The following GUCY2D variants were observed in gnomAD, a reference collection of about 807,000 sequenced individuals.
The protein encoded by GUCY2D is retinal guanylyl cyclase 1.
In GUCY2D, 70 loss-of-function variants were observed where a neutral mutation model predicts 101.3. The observed-to-expected ratio is 0.69, with a 90% CI of 0.57 to 0.84. The LOEUF (loss-of-function observed/expected upper bound fraction) is 0.84, where lower values mean the gene tolerates loss of function less well. Ranked by LOEUF, GUCY2D falls within the 40% of genes least tolerant of loss-of-function variation. The pLI, the probability that GUCY2D is intolerant of heterozygous loss-of-function variation, is 0.00. For synonymous variants in GUCY2D, 688 were observed against 670.7 expected, an observed-to-expected ratio of 1.03 and a Z score of -0.40; for missense variants, 1,460 against 1,542.5, an observed-to-expected ratio of 0.95 and a Z score of 0.90.
At position 8,012,552 on chromosome 17, in the gene GUCY2D, C is replaced by T. The variant is rs751340355; in HGVS notation, c.2059C>T (p.His687Tyr). The T allele has an allele frequency of 7.0e-5, 113 of 1,613,828 alleles. No homozygotes were observed. The highest frequency in any genetic ancestry group is 3.5e-4 in the Admixed American group (21 of 59,992). ...RFVLKITDHG[H>Y]GRLLEAQKVL... is the part of the protein sequence containing the mutation. ...CGTACTCAAGATCACTGACCACGGC[C>T]ACGGGAGACTGCTGGAAGCACAGAA... The change falls in exon 10 of 20, where the codon CAC becomes TAC. Residue 687 changes from histidine to tyrosine, a missense_variant. His to Tyr is a moderately conservative substitution (Grantham distance 83, BLOSUM62 2). Around this residue, in one of 3 missense-constraint regions of GUCY2D, gnomAD observed 1,196 missense variants for 1,229.6 expected, o/e 0.97. Coordinates refer to ENST00000254854, the MANE Select transcript of GUCY2D (RefSeq NM_000180.4).
intron 7 of GUCY2D, among the ~76,000 whole-genome samples, chr17:8,008,400 C>T (rs1975786582): frequency 6.6e-6 from 1 of 152,030 alleles, no homozygotes; most frequent in Admixed American, 6.5e-5. Context: ...GGCCCTGCCC[C>T]TCAGCATTTC....
At position 8,015,759 on chromosome 17, in the gene GUCY2D, C is replaced by T. The variant is rs140936694; in HGVS notation, c.2961C>T (p.Gly987=). Residue 987 remains glycine, a synonymous_variant, in exon 16 of 20, where the codon GGC becomes GGT. Transcript: ENST00000254854. ...IGLHSGPCVA[G]VVGLTMPRYC... ...TCTCCACAGGTCCATGCGTGGCAGG[C>T]GTGGTGGGCCTCACCATGCCGCGGT... 25 of 1,609,926 alleles carry T rather than the reference C, an allele frequency of 1.6e-5. No homozygotes were observed. Among genetic ancestry groups the T allele is most frequent in the Non-Finnish European group, 2.1e-5 (25 of 1,178,486 alleles).
rs760472338 is a variant in GUCY2D, at chr17:8,013,161, G to A, written c.2172G>A (p.Thr724=). ...ACCCAGCCCTGGAGCGCCGGGGAAC[G>A]CTGGCCGGCGACGTCTTTAGCTTGG... The part of the protein sequence containing the change: ...LRDPALERRG[T]LAGDVFSLAI... Residue 724 remains threonine (T), a synonymous_variant, in exon 11 of 20, where the codon ACG becomes ACA. Transcript: ENST00000254854. The surrounding 1 kb of genome is among the most constrained non-coding windows in gnomAD (Gnocchi z 5.0). 7.4e-6 allele frequency: 12 copies of A among 1,613,766 alleles called. No homozygotes were observed. In the African/African-American group the frequency reaches 8.0e-5, roughly 11 times the overall value.
chr17:8,016,748 A>G, intron 19 of GUCY2D, 194 bp downstream of exon 19: 1 of 574,368 alleles, frequency 1.7e-6, no homozygotes, highest in Admixed American at 3.0e-5. Context: ...TGGTTTGGAA[A>G]TCCAGGCTTA....
Position 8,003,943 on chromosome 17 carries a change from C to T in GUCY2D, c.813C>T (p.Gly271=), listed in dbSNP as rs1205298158. ...EAAEELGLTD[G]SLVFLPFDTI... ...CAGAGGAGCTGGGCCTGACCGATGG[C>T]TCCCTGGTCTTCCTGCCCTTCGACA... is the stretch of plus-strand genomic sequence containing the variant. Residue 271 remains glycine, a synonymous_variant, in exon 3 of 20, where the codon GGC becomes GGT. Coordinates refer to ENST00000254854, the MANE Select transcript of GUCY2D (RefSeq NM_000180.4). 7 of 1,613,610 alleles carry T rather than the reference C, an allele frequency of 4.3e-6. No homozygotes were observed. The Admixed American group carries it at 1.2e-4, about 27-fold the overall frequency.
Position 8,013,283 on chromosome 17 carries a change from C to T in GUCY2D, c.2263+31C>T. ...GCTGCCCTGTGCGTGGAGTTCGGCC[C>T]ACAGGGGCACCCTGCAGTTAGAAAA... On this transcript the variant is annotated intron_variant, in intron 11 of 19. Transcript: ENST00000254854. This position sits in a 1 kb window ranked among gnomAD's most constrained non-coding sequence, Gnocchi z 5.0. 3 of 1,609,700 alleles carry T rather than the reference C, an allele frequency of 1.9e-6. No individual in the cohort carries two copies. Among genetic ancestry groups the T allele is most frequent in the Non-Finnish European group, 2.5e-6 (3 of 1,176,530 alleles).
rs1975864399 is a variant in GUCY2D, at chr17:8,012,201, G to A, written c.1807G>A (p.Gly603Arg). 1.9e-6 allele frequency: 3 copies of A among 1,614,026 alleles called. No individual in the cohort carries two copies. Among genetic ancestry groups the A allele is most frequent in the Admixed American group, 3.3e-5 (2 of 60,002 alleles). The change falls in exon 9 of 20, where the codon GGA becomes AGA. Residue 603 changes from glycine to arginine, a missense_variant. By Grantham distance (125) the Gly-to-Arg change is moderately radical. Transcript: ENST00000254854. Reference protein sequence around the residue: ...ALYLGLFLARGAEGPAALWEG... With the variant: ...ALYLGLFLARRAEGPAALWEG... ...CTACCTGGGGCTTTTCCTGGCTCGG[G>A]GAGCAGAAGGCCCTGCGGCCCTCTG...
rs749240455 is a variant in GUCY2D at position 8,006,695 on chromosome 17, A to G, written c.1359A>G (p.Pro453=). ...PGPDPSCWFD[P]NNICGGGLEP... ...CTGACCCCTCGTGCTGGTTCGATCC[A>G]AACAACATCTGCGGTGGAGGTGAGG... The change falls in exon 4 of 20, where the codon CCA becomes CCG. Residue 453 remains proline, a synonymous_variant. Coordinates refer to ENST00000254854, the MANE Select transcript of GUCY2D (RefSeq NM_000180.4). 75 of 1,609,040 alleles carry G rather than the reference A, an allele frequency of 4.7e-5. No individual in the cohort carries two copies. Among genetic ancestry groups the G allele is most frequent in the Non-Finnish European group, 6.1e-5 (72 of 1,177,718 alleles).
In GUCY2D at chr17:8,014,407, C is replaced by T. The variant is rs964812305; in HGVS notation, c.2413-194C>T. The T allele has an allele frequency of 4.6e-6, 3 of 656,828 alleles. No homozygotes were observed. Among genetic ancestry groups the T allele is most frequent in the African/African-American group, 1.8e-5 (1 of 55,924 alleles). 40.7% of individuals were successfully genotyped at this position (656,828 alleles called of 1,614,324 possible). Reference sequence around the variant, plus strand: ...AACTGACCTCTGGGAACCCTCATTTCCCACGTGCCTCCTAATCGTGTCTGA... The same window carrying T: ...AACTGACCTCTGGGAACCCTCATTTTCCACGTGCCTCCTAATCGTGTCTGA... On this transcript the variant is annotated intron_variant, in intron 12 of 19. Coordinates refer to ENST00000254854, the MANE Select transcript of GUCY2D (RefSeq NM_000180.4). The surrounding 1 kb of genome is among the most constrained non-coding windows in gnomAD (Gnocchi z 4.0).
chr17:8,003,288 G>A lies in GUCY2D; in HGVS notation c.241G>A (p.Ala81Thr). 5 of 1,491,282 alleles carry A rather than the reference G, an allele frequency of 3.4e-6. No individual in the cohort carries two copies. Among genetic ancestry groups the A allele is most frequent in the Non-Finnish European group, 8.9e-7 (1 of 1,126,638 alleles). The allele number at this position is 1,491,282 out of a possible 1,614,324, so 92.4% of individuals were successfully genotyped here. The change falls in exon 2 of 20, where the codon GCC (alanine) becomes ACC (threonine). Residue 81 changes from alanine (A) to threonine (T), a missense_variant. Physicochemically the swap from Ala to Thr is moderately conservative, Grantham distance 58 (BLOSUM62 0). Coordinates refer to ENST00000254854, the MANE Select transcript of GUCY2D (RefSeq NM_000180.4). The stretch of plus-strand genomic sequence containing the variant: ...CCCGGACCTGGCCGCCCGCCTGGCC[G>A]CCGCCCGCCTGAACCGCGACCCCGG... ...ARPDLAARLA[A>T]ARLNRDPGLA... is the part of the protein sequence containing the mutation.
At chr17:8,003,795 G>A (rs890858732) in intron 2 of GUCY2D, 27 bp downstream of exon 2, 1 of 1,602,192 alleles carries the variant, frequency 6.2e-7, no homozygotes, top group Non-Finnish European at 8.5e-7. Flanking sequence ...GGTGCGAGGA[G>A]GTCGGCTGGT....
At position 8,014,748 on chromosome 17, in the gene GUCY2D, A is replaced by G. The variant is rs757724509; in HGVS notation, c.2560A>G (p.Thr854Ala). The change falls in exon 13 of 20, where the codon ACA (threonine) becomes GCA (alanine). Residue 854 changes from threonine to alanine, a missense_variant. By Grantham distance (58) the Thr-to-Ala change is moderately conservative. Coordinates refer to ENST00000254854, the MANE Select transcript of GUCY2D (RefSeq NM_000180.4). The surrounding 1 kb of genome is among the most constrained non-coding windows in gnomAD (Gnocchi z 4.0). ...LEKQKTDRLL[T>A]QMLPPSVAEA... is the part of the protein sequence containing the mutation. ...AAAGCAGAAGACAGACCGGCTGCTT[A>G]CACAGATGCTGCCTCCGTGGGTGCC... The G allele has an allele frequency of 1.3e-6, 2 of 1,588,368 alleles. No homozygotes were observed. The highest frequency in any genetic ancestry group is 8.6e-7 in the Non-Finnish European group (1 of 1,163,924).
chr17:8,008,003 T>C lies in GUCY2D; in HGVS notation c.1639T>C (p.Leu547=). The C allele has an allele frequency of 6.2e-7, 1 of 1,612,994 alleles. No individual in the cohort carries two copies. Among genetic ancestry groups the C allele is most frequent in the Non-Finnish European group, 8.5e-7 (1 of 1,179,136 alleles). Residue 547 remains leucine, a synonymous_variant, in exon 7 of 20, where the codon TTG becomes CTG. Coordinates refer to ENST00000254854, the MANE Select transcript of GUCY2D (RefSeq NM_000180.4). ...CATTCGCAGCGGCCCCAGCCAACAC[T>C]TGGACAGCCCCAACATTGGTGTCTA... ...SDIRSGPSQH[L]DSPNIGVYEG...
chr17:8,009,387 C>A, intron 7 of GUCY2D, 119 bp from the exon 8 acceptor site: 2 of 789,488 alleles, frequency 2.5e-6, no homozygotes, highest in Non-Finnish European at 4.6e-6. Flanking sequence ...TGCATTTTGT[C>A]ACATGGAAGA....
Position 8,009,823 on chromosome 17 carries a change from A to C in GUCY2D, c.1749+237A>C, listed in dbSNP as rs1448683988. Among the ~76,000 whole-genome samples the C allele has an allele frequency of 2.0e-5, 3 of 152,020 alleles. No individual in the cohort carries two copies. The East Asian group carries it at 5.8e-4, about 29-fold the overall frequency. On this transcript the variant is annotated intron_variant, in intron 8 of 19. Coordinates refer to ENST00000254854, the MANE Select transcript of GUCY2D (RefSeq NM_000180.4). ...GAAACCCTATCTCTCCAAAAATTTT[A>C]AAATTAGCTGGGTGTGGCGTTACAT...
chr17:8,007,148 A>T lies in GUCY2D; in HGVS notation c.1463+4A>T. The T allele has an allele frequency of 6.2e-7, 1 of 1,600,736 alleles. No individual in the cohort carries two copies. The highest frequency in any genetic ancestry group is 8.6e-7 in the Non-Finnish European group (1 of 1,167,832). On this transcript the variant is annotated splice_donor_region_variant and intron_variant, in intron 5 of 19. Transcript: ENST00000254854. ...CCTTCCTGGCCCATTATGTGAGGTG[A>T]GTAGTGGAATGAGGTAAGTAGGAAG... is the stretch of plus-strand genomic sequence containing the variant.
In GUCY2D at chr17:8,011,279, T is replaced by A. The variant is rs1197219190; in HGVS notation, c.1750-865T>A. On this transcript the variant is annotated intron_variant, in intron 8 of 19. Transcript: ENST00000254854. This position sits in a 1 kb window ranked among gnomAD's most constrained non-coding sequence, Gnocchi z 4.3. ...CTGTAATCCCAGCTATTCGGGAGGC[T>A]GAGACGGGAGAATCGCTTGAGCTCA... is the stretch of plus-strand genomic sequence containing the variant. Among the ~76,000 whole-genome samples the A allele has an allele frequency of 6.6e-6, 1 of 152,048 alleles. No homozygotes were observed. Among genetic ancestry groups the A allele is most frequent in the Non-Finnish European group, 1.5e-5 (1 of 68,008 alleles).
chr17:8,019,492 C>G (rs1046828090), intron 19 of GUCY2D, among the ~76,000 whole-genome samples: 6 of 152,190 alleles, frequency 3.9e-5, no homozygotes, highest in African/African-American at 1.4e-4. Flanking sequence ...AGGCTGGCCT[C>G]AAGCTCAAGT....
At chr17:8,019,205 C>T (rs1247256050) in intron 19 of GUCY2D, among the ~76,000 whole-genome samples, 3 of 152,178 alleles carry the variant, frequency 2.0e-5, no homozygotes, top group Non-Finnish European at 4.4e-5. Flanking sequence ...AGCTCTCAGC[C>T]TCCTGTCTCT....
Sources: gnomAD v4.1 joint callset for allele counts (sites outside exome capture counted in the v4.1 genomes callset) on GRCh38, gnomAD v4.1.1 for gene constraint, gnomAD v4.1.1 regional missense constraint, Gnocchi (gnomAD v3.1) non-coding constraint, MANE v1.5 for transcripts, NCBI Gene and HGNC (gene_info 2026-07-23, HGNC 2026-07-21) for gene names.